Variants in ADAMTSL1 observed in about 807,000 individuals in gnomAD.
The protein encoded by ADAMTSL1 is ADAMTS-like protein 1.
ADAMTSL1 carries 126 observed loss-of-function variants against 201.8 expected under a neutral mutation model. The observed-to-expected ratio is 0.62, with a 90% confidence interval of 0.54 to 0.72. ADAMTSL1 has a LOEUF of 0.72. Among genes scored for constraint, ADAMTSL1 ranks in the 30% least tolerant of loss-of-function variants. The pLI is 0.00. For synonymous variants in ADAMTSL1, 1,121 were observed against 903.4 expected (o/e 1.24, Z -4.32); for missense variants, 2,679 against 2,277.8 (o/e 1.18, Z -3.59).
intron 23 of ADAMTSL1, among the ~76,000 whole-genome samples, chr9:18,833,666 T>C (rs1825138443): frequency 6.6e-6 from 1 of 152,228 alleles, no homozygotes; most frequent in African/African-American, 2.4e-5. Flanking sequence ...TGTTGATAGT[T>C]TCTTTTGTTG....
chr9:17,973,242 G>A (rs113010846), intron 1 of ADAMTSL1, among the ~76,000 whole-genome samples: 23,093 of 149,220 alleles, frequency 0.15, 2,317 homozygotes, highest in Middle Eastern at 0.25. Flanking sequence ...CCTTGCCCAG[G>A]CCTATGTCCT....
rs1293092694 is a variant in ADAMTSL1, at chr9:18,560,659, C to G, written c.238-13371C>G. ...CTGGGTTTTTTTTTTGGTTGGTAGG[C>G]TATTAATTACTGCCTTAATTTCAGA... On this transcript the variant is annotated intron_variant, in intron 3 of 28. Transcript: ENST00000380548. 3.3e-5 allele frequency among the ~76,000 whole-genome samples: 5 copies of G among 151,426 alleles called. No homozygotes were observed. In the East Asian group the frequency reaches 9.7e-4, roughly 29 times the overall value.
chr9:18,362,277 A>C (rs902758522), intron 2 of ADAMTSL1: 4 of 152,270 alleles, frequency 2.6e-5, no homozygotes, highest in Admixed American at 6.5e-5. Flanking sequence ...AAAAAAACTC[A>C]GACCTGATGA....
At chr9:18,410,232 G>A (rs1343461688) in intron 2 of ADAMTSL1, among the ~76,000 whole-genome samples, 1 of 150,996 alleles carries the variant, frequency 6.6e-6, no homozygotes, top group Non-Finnish European at 1.5e-5. Context: ...AAGCTCAAGG[G>A]TACATTTGCA....
Position 18,281,954 on chromosome 9 carries a change from A to AT in ADAMTSL1, c.207+117980dup, listed in dbSNP as rs1192024078. ...TTCTTCTTTGACCCGTAGGTTATTT[A>AT]TTTTTTTAATTTAATTTTATTTTAG... On this transcript the variant is annotated intron_variant, in intron 2 of 29. Coordinates refer to the ADAMTSL1 transcript ENST00000680146. Among the ~76,000 whole-genome samples the AT allele has an allele frequency of 4.6e-5, 7 of 152,024 alleles. No individual in the cohort carries two copies. In the South Asian group the frequency reaches 1.4e-3, roughly 31 times the overall value.
At chr9:18,695,456 T>C (rs1831494304) in intron 13 of ADAMTSL1, among the ~76,000 whole-genome samples, 1 of 152,218 alleles carries the variant, frequency 6.6e-6, no homozygotes, top group Non-Finnish European at 1.5e-5. Context: ...TAAGTTCCAG[T>C]TTCAGGTTAT....
chr9:18,028,808 G>A (rs1820809358), intron 1 of ADAMTSL1, among the ~76,000 whole-genome samples: 1 of 152,122 alleles, frequency 6.6e-6, no homozygotes, highest in South Asian at 2.1e-4. Context: ...AAAATCATTG[G>A]TAGCTTGATG....
At chr9:18,669,297 T>A (rs1399430780) in intron 9 of ADAMTSL1, among the ~76,000 whole-genome samples, 2 of 152,196 alleles carry the variant, frequency 1.3e-5, no homozygotes, top group Admixed American at 6.5e-5. Context: ...GAAATATTAG[T>A]CCCACTTATT....
At chr9:18,672,134 T>C (rs1485830745) in intron 9 of ADAMTSL1, among the ~76,000 whole-genome samples, 2 of 151,542 alleles carry the variant, frequency 1.3e-5, no homozygotes, top group Non-Finnish European at 2.9e-5. Context: ...GAGAGAGATG[T>C]ATCTCAATAG....
intron 2 of ADAMTSL1, among the ~76,000 whole-genome samples, chr9:18,371,875 G>GATGTTA (rs1837056999): frequency 6.6e-6 from 1 of 152,128 alleles, no homozygotes; most frequent in African/African-American, 2.4e-5. Context: ...TCCCTACAAG[G>GATGTTA]GCTCTGGGCT....
rs111449012 is a variant in ADAMTSL1 at position 18,095,541 on chromosome 9, G to T, written c.88-68321G>T. Reference sequence around the variant, plus strand: ...AGGTTCAAGCTATTCTCCTGCCTCAGCTTCCCAAGCAGCTGGGATTACAGG... The same window carrying T: ...AGGTTCAAGCTATTCTCCTGCCTCATCTTCCCAAGCAGCTGGGATTACAGG... On this transcript the variant is annotated intron_variant, in intron 1 of 29. Coordinates refer to the ADAMTSL1 transcript ENST00000680146. Among the ~76,000 whole-genome samples the T allele has an allele frequency of 6.7e-3, 997 of 149,122 alleles. 3 individuals carry two copies. The highest frequency in any genetic ancestry group is 0.018 in the Middle Eastern group (5 of 276).
intron 26 of ADAMTSL1, among the ~76,000 whole-genome samples, chr9:18,894,006 A>G (rs1487493175): frequency 6.6e-6 from 1 of 151,882 alleles, no homozygotes; most frequent in African/African-American, 2.4e-5. Context: ...TGTGTGAAGA[A>G]ATGAAGGGAA....
intron 2 of ADAMTSL1, among the ~76,000 whole-genome samples, chr9:18,243,251 A>G (rs1273500767): frequency 6.6e-6 from 1 of 152,116 alleles, no homozygotes; most frequent in Non-Finnish European, 1.5e-5. Flanking sequence ...TCTTCAATAA[A>G]TGGTGCTGGA....
intron 16 of ADAMTSL1, among the ~76,000 whole-genome samples, chr9:18,762,640 A>C: frequency 6.7e-6 from 1 of 149,988 alleles, no homozygotes; most frequent in African/African-American, 2.5e-5. Flanking sequence ...CCTCCCCCTC[A>C]GCCCCTCACT....
chr9:18,085,544 G>GCA (rs1587009398), intron 1 of ADAMTSL1, among the ~76,000 whole-genome samples: 6 of 70,874 alleles, frequency 8.5e-5, no homozygotes, highest in East Asian at 7.2e-4. Flanking sequence ...TATATACTGT[G>GCA]TATACATACA....
chr9:18,383,357 G>A (rs1417301122), intron 2 of ADAMTSL1, among the ~76,000 whole-genome samples: 1 of 151,974 alleles, frequency 6.6e-6, no homozygotes, highest in Non-Finnish European at 1.5e-5. Context: ...TTTCCTTTGA[G>A]TATATGTTTA....
chr9:18,289,505 G>T (rs572737300), intron 2 of ADAMTSL1, among the ~76,000 whole-genome samples: 19 of 152,330 alleles, frequency 1.2e-4, no homozygotes, highest in African/African-American at 3.8e-4. Flanking sequence ...ATAGGAATCA[G>T]AATACCAGGG....
At chr9:18,364,656 A>C (rs920700026) in intron 2 of ADAMTSL1, among the ~76,000 whole-genome samples, 2 of 152,148 alleles carry the variant, frequency 1.3e-5, no homozygotes, top group Admixed American at 6.5e-5. Flanking sequence ...GTACTGCTAT[A>C]AAGAAATACC....
At chr9:18,140,454 A>G (rs1826349694) in intron 1 of ADAMTSL1, among the ~76,000 whole-genome samples, 1 of 152,186 alleles carries the variant, frequency 6.6e-6, no homozygotes, top group Non-Finnish European at 1.5e-5. Context: ...TCAGTACTGA[A>G]TGAGCTGACT....
Sources: gnomAD v4.1 joint callset for allele counts (sites outside exome capture counted in the v4.1 genomes callset) on GRCh38, gnomAD v4.1.1 for gene constraint, MANE v1.5 for transcripts, NCBI Gene and HGNC (gene_info 2026-07-23, HGNC 2026-07-21) for gene names.